Variants in PDE1C observed in about 807,000 individuals in gnomAD.
The protein encoded by PDE1C is dual specificity calcium/calmodulin-dependent 3',5'-cyclic nucleotide phosphodiesterase 1C.
PDE1C carries 62 observed loss-of-function variants against 93.1 expected under a neutral mutation model. That is an observed-to-expected ratio of 0.67 (90% CI 0.54 to 0.82). The LOEUF (loss-of-function observed/expected upper bound fraction) is 0.82, where lower values mean the gene tolerates loss of function less well. Ranked by LOEUF, PDE1C falls within the 40% of genes least tolerant of loss-of-function variation. PDE1C has a pLI of 0.00. For missense variants in PDE1C, 742 were observed against 884.6 expected (o/e 0.84, Z 2.04); for synonymous variants, 325 against 310.1 (o/e 1.05, Z -0.50).
intron 3 of PDE1C, among the ~76,000 whole-genome samples, chr7:32,118,544 A>T (rs557012478): frequency 6.6e-6 from 1 of 152,346 alleles, no homozygotes; most frequent in Admixed American, 6.5e-5. Context: ...CAAAGACTTC[A>T]TAATTTATGG....
chr7:31,683,347 C>T, the PDE1C span, among the ~76,000 whole-genome samples: 1 of 152,130 alleles, frequency 6.6e-6, no homozygotes, highest in Non-Finnish European at 1.5e-5. Flanking sequence ...AAAAGACAAC[C>T]ATTCACCTTG....
chr7:31,978,645 T>C (rs924995767), intron 2 of PDE1C, among the ~76,000 whole-genome samples: 4 of 152,154 alleles, frequency 2.6e-5, no homozygotes, highest in Non-Finnish European at 5.9e-5. Flanking sequence ...CACAGCAACC[T>C]GTAGATGCAG....
intron 2 of PDE1C, among the ~76,000 whole-genome samples, chr7:31,891,525 A>G (rs1164521920): frequency 1.2e-4 from 18 of 152,194 alleles, no homozygotes. Context: ...TCTCCCAAGC[A>G]TTTTGACAAA....
At chr7:32,203,891 C>T (rs1805212060) in intron 2 of PDE1C, among the ~76,000 whole-genome samples, 1 of 152,186 alleles carries the variant, frequency 6.6e-6, no homozygotes. Flanking sequence ...AAAATTCGCT[C>T]TCCCTGTGGA....
rs1802521609 is a variant in PDE1C at position 32,169,644 on chromosome 7, C to T, written c.308+141G>A. The T allele has an allele frequency of 5.4e-6, 4 of 736,282 alleles. No homozygotes were observed. In the East Asian group the frequency reaches 8.1e-5, roughly 15 times the overall value. The allele number at this position is 736,282 out of a possible 1,614,324, so 45.6% of individuals were successfully genotyped here. ...CCAGAAGTCCAGCTAGCATTGATTC[C>T]AACCCTCCTTCATCAATTTTAATTT... On this transcript the variant is annotated intron_variant, in intron 3 of 18. Coordinates refer to the PDE1C transcript ENST00000396193.
At chr7:31,901,986 T>C (rs980249254) in intron 2 of PDE1C, among the ~76,000 whole-genome samples, 7 of 150,668 alleles carry the variant, frequency 4.6e-5, no homozygotes, top group Admixed American at 2.0e-4. Flanking sequence ...AAGATTTAAA[T>C]GTAGAAAAGT....
At chr7:32,402,663 C>T (rs1784972700) in intron 1 of PDE1C, among the ~76,000 whole-genome samples, 1 of 152,192 alleles carries the variant, frequency 6.6e-6, no homozygotes, top group Non-Finnish European at 1.5e-5. Flanking sequence ...GCCATTTGGG[C>T]ATCCCTTAGT....
the PDE1C span, among the ~76,000 whole-genome samples, chr7:31,663,366 T>A: frequency 3.3e-5 from 5 of 152,122 alleles, no homozygotes; most frequent in African/African-American, 1.2e-4. Flanking sequence ...ATGTCAGGAG[T>A]AGGACTGTGA....
At chr7:32,424,097 T>A (rs1785484667) in intron 1 of PDE1C, among the ~76,000 whole-genome samples, 1 of 152,226 alleles carries the variant, frequency 6.6e-6, no homozygotes, top group Admixed American at 6.5e-5. Flanking sequence ...AGGTGCTCCC[T>A]CTTTTCCACT....
At chr7:31,746,394 CAGG>C (rs1794007696), downstream of PDE1C, among the ~76,000 whole-genome samples, 3 of 152,100 alleles carry the variant, frequency 2.0e-5, no homozygotes, top group South Asian at 6.2e-4. Flanking sequence ...ACAAGAGCTG[CAGG>C]AGAATATGGG....
chr7:32,231,497 C>T (rs1807686782), intron 1 of PDE1C, among the ~76,000 whole-genome samples: 1 of 151,922 alleles, frequency 6.6e-6, no homozygotes, highest in Admixed American at 6.6e-5. Context: ...GACCTTATAC[C>T]ACTAAAGAAA....
At chr7:31,719,032 G>A in the PDE1C span, among the ~76,000 whole-genome samples, 5 of 152,226 alleles carry the variant, frequency 3.3e-5, no homozygotes, top group Non-Finnish European at 7.3e-5. Context: ...CAGCCAGGAC[G>A]TTTGAAAGAA....
chr7:31,643,257 C>A, the PDE1C span: 13 of 1,613,778 alleles, frequency 8.1e-6, no homozygotes, highest in East Asian at 2.2e-5. Context: ...GTCCTCACAC[C>A]AACCACAGCT....
intron 1 of PDE1C, among the ~76,000 whole-genome samples, chr7:32,056,458 T>A (rs1290994506): frequency 6.7e-6 from 1 of 148,850 alleles, no homozygotes; most frequent in East Asian, 2.1e-4. Flanking sequence ...TACAGCATAC[T>A]GCTCAAGATC....
intron 1 of PDE1C, among the ~76,000 whole-genome samples, chr7:32,312,807 G>T (rs1585103486): frequency 1.3e-5 from 2 of 152,130 alleles, no homozygotes; most frequent in African/African-American, 4.8e-5. Flanking sequence ...AACCCTAGAA[G>T]AAAACCTAGG....
chr7:32,279,268 A>G (rs569597179), intron 1 of PDE1C, among the ~76,000 whole-genome samples: 1 of 152,352 alleles, frequency 6.6e-6, no homozygotes, highest in South Asian at 2.1e-4. Flanking sequence ...TACCACTAGA[A>G]TATATGTCTT....
Position 32,355,777 on chromosome 7 carries a change from G to A in PDE1C, c.310+72045C>T, listed in dbSNP as rs117071094. Among the ~76,000 whole-genome samples, 521 of 152,268 alleles carry A rather than the reference G, an allele frequency of 3.4e-3. 2 individuals carry two copies. Among genetic ancestry groups the A allele is most frequent in the Non-Finnish European group, 5.2e-3 (355 of 68,024 alleles). ...TCCCTGGTTTGTCCCAGAGCCTGGC[G>A]AAAGGAAGGGACTCAACAAATGGCG... On this transcript the variant is annotated intron_variant, in intron 1 of 1. Transcript: ENST00000672256.
chr7:32,279,465 G>A (rs1038378493), intron 1 of PDE1C, among the ~76,000 whole-genome samples: 14 of 152,230 alleles, frequency 9.2e-5, no homozygotes, highest in Non-Finnish European at 1.9e-4. Context: ...ACAAGAGGAT[G>A]CTGAATGTTC....
chr7:31,984,098 A>C, intron 2 of PDE1C, among the ~76,000 whole-genome samples: 1 of 152,238 alleles, frequency 6.6e-6, no homozygotes, highest in Non-Finnish European at 1.5e-5. Context: ...TGGAGAGGAA[A>C]GGGCTAGATC....
Sources: gnomAD v4.1 joint callset for allele counts (sites outside exome capture counted in the v4.1 genomes callset) on GRCh38, gnomAD v4.1.1 for gene constraint, MANE v1.5 for transcripts, NCBI Gene and HGNC (gene_info 2026-07-23, HGNC 2026-07-21) for gene names.